Variants in LHFPL3 observed in about 807,000 individuals in gnomAD.
LHFPL3 encodes LHFPL tetraspan subfamily member 3 protein.
LHFPL3 carries 5 observed loss-of-function variants against 19.3 expected under a neutral mutation model. The ratio of observed to expected loss-of-function variants is 0.26; its 90% CI spans 0.14 to 0.54. The LOEUF is 0.54. Among genes scored for constraint, LHFPL3 ranks in the 20% least tolerant of loss-of-function variants. The pLI, the probability that LHFPL3 is intolerant of heterozygous loss-of-function variation, is 0.94. For missense variants in LHFPL3, 249 were observed against 307.4 expected (o/e 0.81, Z 1.42); for synonymous variants, 133 against 126.2 (o/e 1.05, Z -0.36).
At chr7:104,468,145 G>C (rs866597523) in intron 1 of LHFPL3, among the ~76,000 whole-genome samples, 1 of 152,172 alleles carries the variant, frequency 6.6e-6, no homozygotes, top group Non-Finnish European at 1.5e-5. Context: ...GCTGCAACCC[G>C]GAGGTCAGGA....
chr7:104,637,182 C>G (rs1791744293), intron 1 of LHFPL3, among the ~76,000 whole-genome samples: 1 of 152,102 alleles, frequency 6.6e-6, no homozygotes. Flanking sequence ...CATATGTCTT[C>G]TTTTGAAAAG....
At chr7:104,842,199 T>A (rs1315798280) in intron 2 of LHFPL3, among the ~76,000 whole-genome samples, 1 of 79,882 alleles carries the variant, frequency 1.3e-5, no homozygotes, top group African/African-American at 4.1e-5. Flanking sequence ...AAAAAAAAAA[T>A]CAGTCATTTT....
At chr7:104,599,324 C>T (rs2115686599) in intron 1 of LHFPL3, among the ~76,000 whole-genome samples, 1 of 152,196 alleles carries the variant, frequency 6.6e-6, no homozygotes, top group South Asian at 2.1e-4. Flanking sequence ...TTATTTATTT[C>T]CTTTTCATTT....
chr7:104,400,145 A>AAAAAC, intron 1 of LHFPL3, among the ~76,000 whole-genome samples: 1 of 112,072 alleles, frequency 8.9e-6, no homozygotes, highest in South Asian at 2.9e-4. Context: ...AAAAAAAAAA[A>AAAAAC]AAGACTCTAC....
intron 1 of LHFPL3, among the ~76,000 whole-genome samples, chr7:104,669,827 G>A (rs7812182): frequency 0.11 from 16,671 of 152,156 alleles, 1,092 homozygotes; most frequent in African/African-American, 0.18. Flanking sequence ...GTTGTGGTGC[G>A]TTATGTCACC....
intron 2 of LHFPL3, chr7:104,826,760 C>G (rs1790827583): frequency 6.3e-6 from 1 of 158,844 alleles, no homozygotes; most frequent in Non-Finnish European, 1.4e-5. Flanking sequence ...ATCTCAAACC[C>G]TGTGGTTTGA....
rs1007172841 is a variant in LHFPL3 at position 104,813,301 on chromosome 7, G to A, written c.682+76390G>A. 1.4e-4 allele frequency among the ~76,000 whole-genome samples: 21 copies of A among 151,980 alleles called. No homozygotes were observed. The East Asian group carries it at 2.1e-3, about 15-fold the overall frequency. On this transcript the variant is annotated intron_variant, in intron 2 of 2. Coordinates refer to ENST00000424859, the MANE Select transcript of LHFPL3 (RefSeq NM_199000.3). Reference sequence around the variant, plus strand: ...CCAAAAAAGTAAAAATAAAGAATACGTACAGTATTACTCTAAGATCAAAAA... The same window carrying A: ...CCAAAAAAGTAAAAATAAAGAATACATACAGTATTACTCTAAGATCAAAAA...
intron 1 of LHFPL3, among the ~76,000 whole-genome samples, chr7:104,646,558 CA>C (rs1791939548): frequency 2.0e-5 from 3 of 152,148 alleles, no homozygotes; most frequent in Non-Finnish European, 4.4e-5. Context: ...ATTCTAAACT[CA>C]ATAAGAAAAT....
intron 1 of LHFPL3, among the ~76,000 whole-genome samples, chr7:104,575,079 TTC>T (rs200130619): frequency 0.014 from 1,915 of 140,766 alleles, 41 homozygotes; most frequent in African/African-American, 0.049. Flanking sequence ...ATACTTTGGT[TTC>T]TGAGTAAATG....
At chr7:104,518,972 T>C (rs535619951) in intron 1 of LHFPL3, among the ~76,000 whole-genome samples, 2 of 152,244 alleles carry the variant, frequency 1.3e-5, no homozygotes, top group Non-Finnish European at 1.5e-5. Flanking sequence ...TTTCAAAAAG[T>C]ATTTTGGGGA....
chr7:104,768,224 C>T (rs1794493256), intron 2 of LHFPL3, among the ~76,000 whole-genome samples: 1 of 151,356 alleles, frequency 6.6e-6, no homozygotes, highest in South Asian at 2.1e-4. Context: ...TTTTTATCTT[C>T]ATGTTCTATG....
At chr7:104,434,767 C>T (rs73405711) in intron 1 of LHFPL3, among the ~76,000 whole-genome samples, 6,624 of 152,194 alleles carry the variant, frequency 0.044, 511 homozygotes, top group African/African-American at 0.15. Flanking sequence ...GGTAACTCCA[C>T]TAAATCACAT....
chr7:104,782,149 T>C lies in LHFPL3; in HGVS notation c.682+45238T>C, dbSNP rs77445827. On this transcript the variant is annotated intron_variant, in intron 2 of 2. Coordinates refer to ENST00000424859, the MANE Select transcript of LHFPL3 (RefSeq NM_199000.3). Reference sequence around the variant, plus strand: ...GCTGGAGGTTCTAAGATGGCTTCACTCACATGCCTAGCACCTTGGTAGTGG... The same window carrying C: ...GCTGGAGGTTCTAAGATGGCTTCACCCACATGCCTAGCACCTTGGTAGTGG... 7.2e-3 allele frequency among the ~76,000 whole-genome samples: 1,091 copies of C among 152,312 alleles called. 23 individuals are homozygous for C. In the East Asian group the frequency reaches 0.086, roughly 12 times the overall value.
intron 1 of LHFPL3, among the ~76,000 whole-genome samples, chr7:104,383,981 GTACCTGAC>G (rs2116456983): frequency 6.6e-6 from 1 of 152,330 alleles, no homozygotes; most frequent in Non-Finnish European, 1.5e-5. Context: ...AAAGTTTAGT[GTACCTGAC>G]TATTAGCCGC....
At chr7:104,514,150 A>C (rs997888666) in intron 1 of LHFPL3, among the ~76,000 whole-genome samples, 3 of 152,064 alleles carry the variant, frequency 2.0e-5, no homozygotes, top group African/African-American at 7.2e-5. Context: ...AGAGCTTTTC[A>C]GCATATGCCA....
At chr7:104,683,398 A>G (rs890864954) in intron 1 of LHFPL3, among the ~76,000 whole-genome samples, 2 of 152,178 alleles carry the variant, frequency 1.3e-5, no homozygotes, top group African/African-American at 4.8e-5. Flanking sequence ...ATGGATCTCT[A>G]TTACTCCTAT....
chr7:104,716,399 G>A (rs1304416993), intron 1 of LHFPL3, among the ~76,000 whole-genome samples: 1 of 151,340 alleles, frequency 6.6e-6, no homozygotes, highest in Non-Finnish European at 1.5e-5. Context: ...CTTGTTTGCA[G>A]TTGACATGAT....
chr7:104,589,154 T>G (rs921232437), intron 1 of LHFPL3, among the ~76,000 whole-genome samples: 4 of 152,098 alleles, frequency 2.6e-5, no homozygotes, highest in South Asian at 2.1e-4. Context: ...CTATGTTGAA[T>G]AGGAGTGGTG....
At chr7:104,496,432 G>C (rs967766538) in intron 1 of LHFPL3, among the ~76,000 whole-genome samples, 2 of 152,050 alleles carry the variant, frequency 1.3e-5, no homozygotes. Flanking sequence ...ATAAACATAC[G>C]TGTGCATGTG....
Sources: gnomAD v4.1 joint callset for allele counts (sites outside exome capture counted in the v4.1 genomes callset) on GRCh38, gnomAD v4.1.1 for gene constraint, MANE v1.5 for transcripts, NCBI Gene and HGNC (gene_info 2026-07-23, HGNC 2026-07-21) for gene names.